The following GATB variants were observed in gnomAD, a reference collection of about 807,000 sequenced individuals.
GATB encodes glutamyl-tRNA amidotransferase subunit B, also known as glutamyl-tRNA(Gln) amidotransferase subunit B, mitochondrial.
GATB carries 39 observed loss-of-function variants against 62.3 expected under a neutral mutation model. The observed-to-expected ratio is 0.63, with a 90% CI of 0.48 to 0.82. The LOEUF (loss-of-function observed/expected upper bound fraction) is 0.82, where lower values mean the gene tolerates loss of function less well. Among genes scored for constraint, GATB ranks in the 40% least tolerant of loss-of-function variants. The pLI, the probability that GATB is intolerant of heterozygous loss-of-function variation, is 0.00. For synonymous variants in GATB, 276 were observed against 258.9 expected (o/e 1.07, Z -0.63); for missense variants, 670 against 684.0 (o/e 0.98, Z 0.23).
rs1310489194 is a variant in GATB, at chr4:151,758,857, A to T, written c.242T>A (p.Leu81His). The change falls in exon 2 of 13, where the codon CTC (leucine) becomes CAC (histidine). Residue 81 changes from leucine (L) to histidine (H), a missense_variant. By Grantham distance (99) the Leu-to-His change is moderately conservative (BLOSUM62 -3). Coordinates refer to ENST00000263985, the MANE Select transcript of GATB (RefSeq NM_004564.3). ...AAAGCGAACTTGAGATCCAGAGAAG[A>T]GTTTAGAGTTGGAGGAAATCTGGGC... ...IHAQISSNSK[L>H]FSGSQVRFSA... 3 of 1,611,666 alleles carry T rather than the reference A, an allele frequency of 1.9e-6. No individual in the cohort carries two copies. The highest frequency in any genetic ancestry group is 2.5e-6 in the Non-Finnish European group (3 of 1,178,642).
intron 10 of GATB, among the ~76,000 whole-genome samples, chr4:151,685,977 T>C (rs1738234704): frequency 6.6e-6 from 1 of 151,974 alleles, no homozygotes; most frequent in South Asian, 2.1e-4. Context: ...CACTTGAAAC[T>C]GGGAGGTGGA....
At chr4:151,732,964 TAAG>T (rs1191074292) in intron 2 of GATB, among the ~76,000 whole-genome samples, 4 of 151,936 alleles carry the variant, frequency 2.6e-5, no homozygotes, top group Non-Finnish European at 5.9e-5. Context: ...GGGATACAGC[TAAG>T]AAGGTGTTAG....
intron 9 of GATB, among the ~76,000 whole-genome samples, chr4:151,699,519 T>C (rs1048804084): frequency 5.9e-5 from 9 of 152,130 alleles, no homozygotes; most frequent in Non-Finnish European, 8.8e-5. Context: ...GCCTACTAGG[T>C]TTGGGCACCA....
chr4:151,736,084 C>T (rs1342043375), intron 2 of GATB, among the ~76,000 whole-genome samples: 1 of 152,124 alleles, frequency 6.6e-6, no homozygotes, highest in Non-Finnish European at 1.5e-5. Context: ...TTCACTGCTG[C>T]TGAAAATCAG....
chr4:151,742,032 T>C (rs917394055), intron 2 of GATB, among the ~76,000 whole-genome samples: 1 of 151,522 alleles, frequency 6.6e-6, no homozygotes, highest in Non-Finnish European at 1.5e-5. Context: ...CTAACTAGTG[T>C]GAACTGCAAT....
intron 10 of GATB, among the ~76,000 whole-genome samples, chr4:151,683,025 C>A (rs1738173429): frequency 6.6e-6 from 1 of 151,974 alleles, no homozygotes; most frequent in Non-Finnish European, 1.5e-5. Context: ...ATCAAACAAC[C>A]CCTCCACCCC....
intron 2 of GATB, among the ~76,000 whole-genome samples, chr4:151,752,172 T>C (rs192020268): frequency 6.6e-6 from 1 of 152,364 alleles, no homozygotes; most frequent in African/African-American, 2.4e-5. Flanking sequence ...GTCTGATGTC[T>C]GACTCCCAAT....
chr4:151,681,720 T>C (rs1170723992), intron 10 of GATB, among the ~76,000 whole-genome samples: 1 of 152,178 alleles, frequency 6.6e-6, no homozygotes, highest in Admixed American at 6.5e-5. Flanking sequence ...TTATAAACCA[T>C]GGAAACTTTA....
chr4:151,685,666 A>G (rs4696106), intron 10 of GATB, among the ~76,000 whole-genome samples: 63,282 of 151,698 alleles, frequency 0.42, 13,635 homozygotes, highest in South Asian at 0.57. Context: ...TAAACTCTTC[A>G]GCACGGCTCC....
chr4:151,744,427 T>G (rs555863132), intron 2 of GATB, among the ~76,000 whole-genome samples: 1 of 152,072 alleles, frequency 6.6e-6, no homozygotes, highest in Non-Finnish European at 1.5e-5. Flanking sequence ...TAAAAAGATG[T>G]TCAGTCAACT....
rs1418847266 is a variant in GATB at position 151,715,977 on chromosome 4, GGAAAGAAGAATACT to G, written c.763+18_763+31del. On this transcript the variant is annotated intron_variant, in intron 5 of 12. Coordinates refer to ENST00000263985, the MANE Select transcript of GATB (RefSeq NM_004564.3). ...GGTTCTAGAAGGCAGGAAGGGAGAG[GGAAAGAAGAATACT>G]GCTTCTGTGGCTTCTACCTGCCATG... 6.2e-7 allele frequency: 1 copy of G among 1,606,556 alleles called. No homozygotes were observed. Among genetic ancestry groups the G allele is most frequent in the South Asian group, 1.1e-5 (1 of 89,690 alleles).
chr4:151,696,359 C>T lies in GATB; in HGVS notation c.1197+4970G>A, dbSNP rs181349223. On this transcript the variant is annotated intron_variant, in intron 9 of 12. Transcript: ENST00000263985. ...ATCTATGTTCTGTGATTGTGCTGTA[C>T]AAAACGCTAGTGGCATGAATGTTAA... Among the ~76,000 whole-genome samples the T allele has an allele frequency of 5.3e-5, 8 of 152,280 alleles. No individual in the cohort carries two copies. The East Asian group carries it at 1.3e-3, about 26-fold the overall frequency.
intron 2 of GATB, among the ~76,000 whole-genome samples, chr4:151,751,332 A>G (rs1220463831): frequency 6.6e-6 from 1 of 152,234 alleles, no homozygotes; most frequent in Non-Finnish European, 1.5e-5. Flanking sequence ...GTTTTTAAAA[A>G]TGCTTTTGAC....
chr4:151,695,717 A>C (rs746191770), intron 9 of GATB, among the ~76,000 whole-genome samples: 2 of 152,116 alleles, frequency 1.3e-5, no homozygotes, highest in Non-Finnish European at 1.5e-5. Context: ...CACAAATGCC[A>C]CAAACTCTGC....
rs139521068 is a variant in GATB, at chr4:151,745,484, C to T, written c.327+13288G>A. 2.6e-3 allele frequency among the ~76,000 whole-genome samples: 396 copies of T among 152,282 alleles called. 1 individual carries two copies. Among genetic ancestry groups the T allele is most frequent in the African/African-American group, 9.1e-3 (377 of 41,560 alleles). ...TTTACCTAGCTTGAACGAAATCTGT[C>T]ATAAGGAATCTAAAAAATAAATTAA... On this transcript the variant is annotated intron_variant, in intron 2 of 12. Coordinates refer to ENST00000263985, the MANE Select transcript of GATB (RefSeq NM_004564.3).
At chr4:151,693,279 C>T (rs796214808) in intron 9 of GATB, among the ~76,000 whole-genome samples, 27 of 152,232 alleles carry the variant, frequency 1.8e-4, no homozygotes, top group African/African-American at 6.5e-4. Flanking sequence ...AGAAAGCAGG[C>T]GTCAGGGCAA....
intron 2 of GATB, among the ~76,000 whole-genome samples, chr4:151,737,292 T>C (rs1739395218): frequency 6.6e-6 from 1 of 152,220 alleles, no homozygotes; most frequent in Non-Finnish European, 1.5e-5. Flanking sequence ...ACTCGTGTTA[T>C]GTTTTAGCAA....
Position 151,755,433 on chromosome 4 carries a change from C to A in GATB, c.327+3339G>T, listed in dbSNP as rs1005584560. Among the ~76,000 whole-genome samples the A allele has an allele frequency of 5.9e-5, 9 of 152,182 alleles. No homozygotes were observed. In the East Asian group the frequency reaches 1.5e-3, roughly 26 times the overall value. On this transcript the variant is annotated intron_variant, in intron 2 of 12. Coordinates refer to ENST00000263985, the MANE Select transcript of GATB (RefSeq NM_004564.3). ...TTTTCTACCTTTAAAAATAGATCTG[C>A]TATAGACATCTCTGCATATAAGTCT... is the stretch of plus-strand genomic sequence containing the variant.
At chr4:151,696,488 T>C (rs889605022) in intron 9 of GATB, among the ~76,000 whole-genome samples, 4 of 152,222 alleles carry the variant, frequency 2.6e-5, no homozygotes, top group Non-Finnish European at 4.4e-5. Context: ...ACATTATATA[T>C]GCAAGCGGGC....
Sources: gnomAD v4.1 joint callset for allele counts (sites outside exome capture counted in the v4.1 genomes callset) on GRCh38, gnomAD v4.1.1 for gene constraint, MANE v1.5 for transcripts, NCBI Gene and HGNC (gene_info 2026-07-23, HGNC 2026-07-21) for gene names.